The following CBY1 variants were observed in gnomAD, a reference collection of about 807,000 sequenced individuals.
The protein encoded by CBY1 is chibby 1, beta catenin antagonist, also known as protein chibby homolog 1.
A neutral mutation model predicts 15.6 loss-of-function variants in CBY1; 10 were observed. That is an observed-to-expected ratio of 0.64 (90% CI 0.40 to 1.09). The LOEUF is 1.09. Ranked by LOEUF, CBY1 falls within the 50% of genes least tolerant of loss-of-function variation. The probability of loss-of-function intolerance (pLI) is 0.01; values close to 1 mark genes in which losing one functional copy is unlikely to be tolerated. For synonymous variants in CBY1, 61 were observed against 63.5 expected (o/e 0.96, Z 0.19); for missense variants, 150 against 160.5 (o/e 0.93, Z 0.35).
At chr22:38,669,336 C>T (rs983552236) in intron 2 of CBY1, among the ~76,000 whole-genome samples, 15 of 152,258 alleles carry the variant, frequency 9.9e-5, no homozygotes, top group South Asian at 2.1e-4. Flanking sequence ...ACCTCCTCTG[C>T]GCACGCTACT....
At chr22:38,662,136 T>C (rs989124477) in intron 1 of CBY1, among the ~76,000 whole-genome samples, 4 of 151,962 alleles carry the variant, frequency 2.6e-5, no homozygotes, top group Admixed American at 6.6e-5. Context: ...ACCCCGTCTC[T>C]ACAAAAGACA....
At chr22:38,661,611 C>T (rs1269895035) in intron 1 of CBY1, among the ~76,000 whole-genome samples, 1 of 152,140 alleles carries the variant, frequency 6.6e-6, no homozygotes, top group African/African-American at 2.4e-5. Flanking sequence ...AGCTTCTTAA[C>T]TTTTATCATT....
intron 1 of CBY1, among the ~76,000 whole-genome samples, chr22:38,662,468 T>C (rs1262727772): frequency 6.6e-6 from 1 of 151,824 alleles, no homozygotes; most frequent in Non-Finnish European, 1.5e-5. Context: ...ACAGAAAATA[T>C]CATCATGACC....
chr22:38,664,470 C>CAAA (rs35322853), intron 1 of CBY1, among the ~76,000 whole-genome samples: 2 of 92,024 alleles, frequency 2.2e-5, no homozygotes, highest in African/African-American at 4.1e-5. Context: ...GACTCCATCT[C>CAAA]AAAAAAAAAA....
intron 1 of CBY1, among the ~76,000 whole-genome samples, chr22:38,665,951 G>A (rs117392630): frequency 0.033 from 4,946 of 151,412 alleles, 101 homozygotes; most frequent in Middle Eastern, 0.051. Context: ...ACAGAGCAGG[G>A]CTCTGTCTCA....
chr22:38,666,675 A>T (rs1235087883), intron 1 of CBY1: 1 of 151,380 alleles, frequency 6.6e-6, no homozygotes, highest in Non-Finnish European at 1.5e-5. Flanking sequence ...AGGAAATATA[A>T]GCATAGCTTT....
At chr22:38,668,208 G>A (rs2092442624) in intron 2 of CBY1, 76 bp downstream of exon 2, 4 of 886,442 alleles carry the variant, frequency 4.5e-6, no homozygotes, top group Non-Finnish European at 7.7e-6. Flanking sequence ...TGGAAAGTGT[G>A]GTCCTCCAGA....
intron 4 of CBY1, among the ~76,000 whole-genome samples, chr22:38,672,412 T>A (rs2092455431): frequency 6.6e-6 from 1 of 151,970 alleles, no homozygotes; most frequent in African/African-American, 2.4e-5. Context: ...CACTGCAACC[T>A]CTGCCTCCCG....
At chr22:38,665,747 T>C in intron 1 of CBY1, 2 of 1,225,408 alleles carry the variant, frequency 1.6e-6, no homozygotes, top group South Asian at 8.3e-5. Flanking sequence ...TTTAAAAAAA[T>C]GTTTTGAGCC....
Position 38,659,927 on chromosome 22 carries a change from G to A in CBY1, c.-39+3177G>A, listed in dbSNP as rs58157354. 1.8e-3 allele frequency among the ~76,000 whole-genome samples: 268 copies of A among 149,388 alleles called. 7 individuals are homozygous for A. The East Asian group carries it at 0.022, about 13-fold the overall frequency. On this transcript the variant is annotated intron_variant, in intron 1 of 4. Transcript: ENST00000216029. The stretch of plus-strand genomic sequence containing the variant: ...TGGCTACACCCAAATTGTTTGGATT[G>A]TTTCTTATTTTTTACTGTTATCAAC...
intron 1 of CBY1, chr22:38,665,684 A>G: frequency 8.2e-7 from 1 of 1,220,706 alleles, no homozygotes; most frequent in East Asian, 3.2e-5. Context: ...TACAGTGGCC[A>G]GGTGAGGCTT....
At chr22:38,658,273 A>G (rs1333984245) in intron 1 of CBY1, among the ~76,000 whole-genome samples, 1 of 151,438 alleles carries the variant, frequency 6.6e-6, no homozygotes, top group East Asian at 1.9e-4. Context: ...CAACTGGCGC[A>G]CACCACCACA....
chr22:38,667,961 A>G (rs2092441628), intron 1 of CBY1, 56 bp from the exon 2 acceptor site: 1 of 885,146 alleles, frequency 1.1e-6, no homozygotes, highest in African/African-American at 1.7e-5. Flanking sequence ...ATTTGAAGAC[A>G]ATGGCATAAG....
At chr22:38,659,805 T>C (rs1297478801) in intron 1 of CBY1, among the ~76,000 whole-genome samples, 6 of 139,100 alleles carry the variant, frequency 4.3e-5, no homozygotes, top group African/African-American at 1.6e-4. Context: ...GAGCTTGCAG[T>C]GAGCCGACAT....
chr22:38,659,861 C>CA (rs71197126), intron 1 of CBY1, among the ~76,000 whole-genome samples: 26,132 of 67,844 alleles, frequency 0.39, 3,930 homozygotes, highest in East Asian at 0.46. Context: ...GACTCTGTCT[C>CA]AAAAAAAAAA....
At chr22:38,657,440 C>T (rs548542335) in intron 1 of CBY1, among the ~76,000 whole-genome samples, 1 of 152,338 alleles carries the variant, frequency 6.6e-6, no homozygotes, top group Admixed American at 6.5e-5. Context: ...GGTGCTCCCC[C>T]TTCACTTCCT....
intron 1 of CBY1, among the ~76,000 whole-genome samples, chr22:38,657,888 CTG>C (rs2092405997): frequency 6.6e-6 from 1 of 152,130 alleles, no homozygotes; most frequent in South Asian, 2.1e-4. Context: ...TGCTTCTTAA[CTG>C]TGTTTTGTTT....
Position 38,673,289 on chromosome 22 carries a change from T to G in CBY1, c.*53T>G. The stretch of plus-strand genomic sequence containing the variant: ...AGGATGTGGCTGAGTGCTTTTTTTT[T>G]GGCCAGACTAGCGGATTCAGTCCTG... On this transcript the variant is annotated 3_prime_UTR_variant, in exon 5 of 5. Transcript: ENST00000216029. The G allele has an allele frequency of 8.3e-7, 1 of 1,198,520 alleles. No homozygotes were observed. The highest frequency in any genetic ancestry group is 1.2e-5 in the South Asian group (1 of 82,200). 74.2% of individuals were successfully genotyped at this position (1,198,520 alleles called of 1,614,324 possible).
Position 38,670,889 on chromosome 22 carries a change from T to C in CBY1, c.84T>C (p.Asp28=), listed in dbSNP as rs763623607. The C allele has an allele frequency of 1.5e-5, 25 of 1,613,568 alleles. No individual in the cohort carries two copies. Among genetic ancestry groups the C allele is most frequent in the Non-Finnish European group, 2.1e-5 (25 of 1,179,542 alleles). The change falls in exon 3 of 5, where the codon GAT becomes GAC. Residue 28 remains aspartate, a synonymous_variant. Transcript: ENST00000216029. ...ACATAGCATCTCGCCCACAGTTGGA[T>C]CGATCAACCCGGGAGGTGGAGCTGG... ...SASLSNLHSL[D]RSTREVELGL... is the part of the protein sequence containing the mutation.
Sources: gnomAD v4.1 joint callset for allele counts (sites outside exome capture counted in the v4.1 genomes callset) on GRCh38, gnomAD v4.1.1 for gene constraint, MANE v1.5 for transcripts, NCBI Gene and HGNC (gene_info 2026-07-23, HGNC 2026-07-21) for gene names.